The following COL23A1 variants were observed in gnomAD, a reference collection of about 807,000 sequenced individuals.
COL23A1 encodes collagen alpha-1(XXIII) chain.
COL23A1 carries 97 observed loss-of-function variants against 99.3 expected under a neutral mutation model. The ratio of observed to expected loss-of-function variants is 0.98; its 90% CI spans 0.83 to 1.16. The LOEUF (loss-of-function observed/expected upper bound fraction) is 1.16. COL23A1 is among the 50% of genes most tolerant of loss of function. COL23A1 has a pLI of 0.00. For missense variants in COL23A1, 762 were observed against 757.4 expected, an observed-to-expected ratio of 1.01 and a Z score of -0.07; for synonymous variants, 320 against 308.2, an observed-to-expected ratio of 1.04 and a Z score of -0.40.
intron 2 of COL23A1, among the ~76,000 whole-genome samples, chr5:178,379,552 A>AC (rs1039663994): frequency 1.6e-4 from 24 of 152,298 alleles, no homozygotes; most frequent in African/African-American, 5.8e-4. Context: ...TTCATGTATT[A>AC]CCCCTGTAAT....
intron 3 of COL23A1, among the ~76,000 whole-genome samples, chr5:178,296,313 C>T (rs971499589): frequency 1.1e-4 from 16 of 152,280 alleles, no homozygotes; most frequent in African/African-American, 3.4e-4. Flanking sequence ...CCTCGTGCAC[C>T]GGCAGCTCCA....
At position 178,587,148 on chromosome 5, in the gene COL23A1, G is replaced by C. The variant is rs1466815409; in HGVS notation, c.294+2756C>G. On this transcript the variant is annotated intron_variant, in intron 1 of 28. Transcript: ENST00000390654. The stretch of plus-strand genomic sequence containing the variant: ...ACTATAGGTATAAGATGGGGGGATT[G>C]ATTACTTAGGCAACCTATTTAAAGC... Among the ~76,000 whole-genome samples, 2 of 152,202 alleles carry C rather than the reference G, an allele frequency of 1.3e-5. 1 individual carries two copies. The highest frequency in any genetic ancestry group is 2.9e-5 in the Non-Finnish European group (2 of 68,030).
At chr5:178,327,486 T>G (rs1051042303) in intron 2 of COL23A1, among the ~76,000 whole-genome samples, 1 of 152,126 alleles carries the variant, frequency 6.6e-6, no homozygotes, top group Non-Finnish European at 1.5e-5. Flanking sequence ...CTCCAGGGCC[T>G]TGGAGACCTT....
At chr5:178,579,300 T>C (rs530106287) in intron 1 of COL23A1, among the ~76,000 whole-genome samples, 1 of 152,344 alleles carries the variant, frequency 6.6e-6, no homozygotes, top group East Asian at 1.9e-4. Flanking sequence ...CATCCCCTTG[T>C]TTAATTCTCA....
chr5:178,484,951 C>G (rs1236891407), intron 2 of COL23A1, among the ~76,000 whole-genome samples: 1 of 152,026 alleles, frequency 6.6e-6, no homozygotes, highest in Non-Finnish European at 1.5e-5. Context: ...AGGTTCTGGC[C>G]AAGGACCCCC....
intron 2 of COL23A1, among the ~76,000 whole-genome samples, chr5:178,367,207 T>G (rs909322488): frequency 6.6e-6 from 1 of 152,154 alleles, no homozygotes; most frequent in African/African-American, 2.4e-5. Flanking sequence ...ACCAATGGCA[T>G]CCGCTCCGAG....
At chr5:178,257,189 C>T (rs1356470813) in intron 13 of COL23A1, among the ~76,000 whole-genome samples, 1 of 152,118 alleles carries the variant, frequency 6.6e-6, no homozygotes, top group African/African-American at 2.4e-5. Flanking sequence ...ATTTTGGAGA[C>T]TGGCTGGCCA....
chr5:178,564,777 T>C (rs888949924), intron 1 of COL23A1, among the ~76,000 whole-genome samples: 1 of 152,230 alleles, frequency 6.6e-6, no homozygotes, highest in African/African-American at 2.4e-5. Flanking sequence ...TCTTGAACAC[T>C]TCACCAGATG....
rs143177007 is a variant in COL23A1 at position 178,280,375 on chromosome 5, G to A, written c.441+7949C>T. 1.6e-3 allele frequency among the ~76,000 whole-genome samples: 237 copies of A among 152,160 alleles called. 1 individual carries two copies. The highest frequency in any genetic ancestry group is 5.2e-3 in the African/African-American group (215 of 41,522). ...GTGCCCAACTCTGAAGCTCTCCTGC[G>A]TCATCTCCTTGGTTCCCCCAATAGC... On this transcript the variant is annotated intron_variant, in intron 5 of 28. Transcript: ENST00000390654. This position sits in a 1 kb window ranked among gnomAD's most constrained non-coding sequence, Gnocchi z 4.9.
chr5:178,303,497 T>A (rs905500061), intron 3 of COL23A1, among the ~76,000 whole-genome samples: 3 of 152,244 alleles, frequency 2.0e-5, no homozygotes, highest in Non-Finnish European at 4.4e-5. Context: ...ATGGAGAAGA[T>A]CTTTAGAAGT....
At position 178,366,756 on chromosome 5, in the gene COL23A1, C is replaced by T. The variant is rs1159498406; in HGVS notation, c.362-59837G>A. 6.6e-6 allele frequency among the ~76,000 whole-genome samples: 1 copy of T among 152,214 alleles called. No homozygotes were observed. Among genetic ancestry groups the T allele is most frequent in the Non-Finnish European group, 1.5e-5 (1 of 68,044 alleles). ...ACGTTCCTCCTCCGTGCCTGTGCTT[C>T]TGCTGGTCTAAATCATTATCTATTG... On this transcript the variant is annotated intron_variant, in intron 2 of 28. Transcript: ENST00000390654. The surrounding 1 kb of genome is among the most constrained non-coding windows in gnomAD (Gnocchi z 4.4).
intron 1 of COL23A1, among the ~76,000 whole-genome samples, chr5:178,576,392 C>G (rs79737604): frequency 0.019 from 2,897 of 152,318 alleles, 93 homozygotes; most frequent in African/African-American, 0.064. Flanking sequence ...GCGCCCCCCA[C>G]CACGCCTGAT....
intron 2 of COL23A1, among the ~76,000 whole-genome samples, chr5:178,323,724 C>A (rs532590524): frequency 6.6e-6 from 1 of 152,230 alleles, no homozygotes; most frequent in East Asian, 1.9e-4. Context: ...TGGAGCAGGG[C>A]GCTGGAACGC....
At chr5:178,424,951 G>C (rs1195799466) in intron 2 of COL23A1, among the ~76,000 whole-genome samples, 1 of 152,210 alleles carries the variant, frequency 6.6e-6, no homozygotes, top group Non-Finnish European at 1.5e-5. Context: ...CTCCTCAGGA[G>C]ATGGACTGTC....
At chr5:178,538,792 CTA>C (rs1324144039) in intron 2 of COL23A1, among the ~76,000 whole-genome samples, 2 of 152,164 alleles carry the variant, frequency 1.3e-5, no homozygotes, top group Non-Finnish European at 2.9e-5. Context: ...CATGGCAGCA[CTA>C]TGCCTAATAA....
At chr5:178,375,813 T>G (rs1561916450) in intron 2 of COL23A1, among the ~76,000 whole-genome samples, 2 of 152,196 alleles carry the variant, frequency 1.3e-5, no homozygotes. Context: ...GTTCAAGTGA[T>G]TCTTCTGCCT....
chr5:178,507,281 T>A (rs61153136), intron 2 of COL23A1, among the ~76,000 whole-genome samples: 2,408 of 152,070 alleles, frequency 0.016, 79 homozygotes, highest in African/African-American at 0.055. Flanking sequence ...CACCACAGAG[T>A]GGGCGGACAC....
chr5:178,324,914 G>A (rs944441605), intron 2 of COL23A1, among the ~76,000 whole-genome samples: 6 of 152,154 alleles, frequency 3.9e-5, no homozygotes, highest in Non-Finnish European at 7.3e-5. Flanking sequence ...CTCCAGATCC[G>A]AGTGGCAGCA....
At chr5:178,284,224 T>C (rs1156888405) in intron 5 of COL23A1, among the ~76,000 whole-genome samples, 1 of 152,198 alleles carries the variant, frequency 6.6e-6, no homozygotes, top group East Asian at 1.9e-4. Context: ...ACACGGGTGA[T>C]TTCCTCTTTA....
Sources: gnomAD v4.1 joint callset for allele counts (sites outside exome capture counted in the v4.1 genomes callset) on GRCh38, gnomAD v4.1.1 for gene constraint, Gnocchi (gnomAD v3.1) non-coding constraint, MANE v1.5 for transcripts, NCBI Gene and HGNC (gene_info 2026-07-23, HGNC 2026-07-21) for gene names.